NAV1: variants seen among roughly 807,000 people sequenced by gnomAD.
NAV1 encodes neuron navigator 1.
Under a neutral mutation model 175.2 loss-of-function variants are expected in NAV1, and 18 were observed. That is an observed-to-expected ratio of 0.10 (90% CI 0.07 to 0.15). The LOEUF (loss-of-function observed/expected upper bound fraction) is 0.15. NAV1 is among the 10% of genes least tolerant of loss of function. The pLI is 1.00. For synonymous variants in NAV1, 897 were observed against 978.7 expected (o/e 0.92, Z 1.56); for missense variants, 1,731 against 2,436.6 (o/e 0.71, Z 6.10).
intron 2 of NAV1, among the ~76,000 whole-genome samples, chr1:201,642,124 TTC>T (rs1229055610): frequency 6.7e-6 from 1 of 149,076 alleles, no homozygotes; most frequent in Non-Finnish European, 1.5e-5. Flanking sequence ...CTTCCCTTTC[TTC>T]TCTCTTTCTT....
At chr1:201,650,340 T>C (rs10920226) in intron 1 of NAV1, among the ~76,000 whole-genome samples, 1 of 152,114 alleles carries the variant, frequency 6.6e-6, no homozygotes, top group African/African-American at 2.4e-5. Flanking sequence ...ATCTGGGATG[T>C]GCCGGACGCC....
Position 201,740,029 on chromosome 1 carries a change from T to A in NAV1, c.1226+21274T>A. On this transcript the variant is annotated intron_variant, in intron 3 of 29. Coordinates refer to ENST00000367296, the Ensembl canonical transcript of NAV1. This position sits in a 1 kb window ranked among gnomAD's most constrained non-coding sequence, Gnocchi z 4.7. The stretch of plus-strand genomic sequence containing the variant: ...GGCCGCCTGAGCCGGGGAAGATGCT[T>A]CATCTGCCCCTGCCCAGATCCGGAA... 6.7e-7 allele frequency: 1 copy of A among 1,489,102 alleles called. No individual in the cohort carries two copies. Among genetic ancestry groups the A allele is most frequent in the Non-Finnish European group, 9.0e-7 (1 of 1,116,236 alleles). The allele number at this position is 1,489,102 out of a possible 1,614,324, so 92.2% of individuals were successfully genotyped here. A position where few individuals can be genotyped will look rare whatever the true frequency, so the allele number is the denominator to read the frequency against.
At chr1:201,646,834 C>G (rs1257299308), upstream of NAV1, among the ~76,000 whole-genome samples, 3 of 152,162 alleles carry the variant, frequency 2.0e-5, no homozygotes, top group Non-Finnish European at 4.4e-5. Context: ...GTTCTACACC[C>G]GGAGAGATCC....
intron 1 of NAV1, among the ~76,000 whole-genome samples, chr1:201,686,639 C>T (rs1276774027): frequency 6.6e-6 from 1 of 152,202 alleles, no homozygotes; most frequent in Non-Finnish European, 1.5e-5. Context: ...TTGCATCTAT[C>T]TCCTATCCCC....
chr1:201,678,689 A>G, intron 1 of NAV1, among the ~76,000 whole-genome samples: 1 of 152,144 alleles, frequency 6.6e-6, no homozygotes, highest in Non-Finnish European at 1.5e-5. Flanking sequence ...TGCTTTCCAA[A>G]GTCCCAGGCT....
chr1:201,590,611 A>G (rs1667159496), intron 2 of NAV1, among the ~76,000 whole-genome samples: 4 of 152,184 alleles, frequency 2.6e-5, no homozygotes, highest in Admixed American at 2.6e-4. Context: ...GCATGCTGCG[A>G]GGTGCCCAGG....
At chr1:201,660,592 A>T (rs900994165) in intron 1 of NAV1, among the ~76,000 whole-genome samples, 1 of 152,230 alleles carries the variant, frequency 6.6e-6, no homozygotes, top group Non-Finnish European at 1.5e-5. Flanking sequence ...TAGTTCAGGC[A>T]TCTTCATCCT....
intron 2 of NAV1, among the ~76,000 whole-genome samples, chr1:201,593,768 T>C (rs556808990): frequency 5.1e-4 from 78 of 152,342 alleles, no homozygotes; most frequent in African/African-American, 1.9e-3. Flanking sequence ...GTGGCTCCTA[T>C]TGGCCTCAGC....
chr1:201,674,762 C>T (rs1197089273), intron 1 of NAV1, among the ~76,000 whole-genome samples: 2 of 152,066 alleles, frequency 1.3e-5, no homozygotes, highest in African/African-American at 4.8e-5. Context: ...ACTGGCTGGG[C>T]ACGGTGGCTC....
chr1:201,671,505 T>C (rs1670045037), intron 1 of NAV1, among the ~76,000 whole-genome samples: 1 of 152,200 alleles, frequency 6.6e-6, no homozygotes, highest in Non-Finnish European at 1.5e-5. Context: ...TGCTACAGTA[T>C]GACCTTGAGC....
chr1:201,756,746 G>T (rs974459852), intron 3 of NAV1, among the ~76,000 whole-genome samples: 2 of 152,086 alleles, frequency 1.3e-5, no homozygotes, highest in Non-Finnish European at 2.9e-5. Context: ...ATTTTTTATA[G>T]TTCCTTCTCC....
intron 13 of NAV1, chr1:201,791,591 C>T (rs1677116677): frequency 6.6e-6 from 1 of 152,230 alleles, no homozygotes. Context: ...CAAAAGTAAC[C>T]ATGTCTGCAA....
intron 22 of NAV1, 102 bp downstream of exon 26, chr1:201,809,639 A>T: frequency 1.8e-6 from 2 of 1,102,710 alleles, no homozygotes; most frequent in South Asian, 2.9e-5. Context: ...GCTGGAGGGC[A>T]GTGGCGTGAT....
rs771736741 is a variant in NAV1 at position 201,803,542 on chromosome 1, A to G, written c.3518-51A>G. On this transcript the variant is annotated intron_variant, in intron 15 of 29. Transcript: ENST00000367296. ...TGCCACTAGACTTGCCTGAAGTCTCACATCCTCTCTAAATCTGTTCTATGT... is the reference window on the plus strand; with the variant it reads ...TGCCACTAGACTTGCCTGAAGTCTCGCATCCTCTCTAAATCTGTTCTATGT... The G allele has an allele frequency of 2.3e-5, 37 of 1,579,186 alleles. No homozygotes were observed. The South Asian group carries it at 3.8e-4, about 16-fold the overall frequency.
At chr1:201,629,341 A>T in intron 1 of NAV1, 63 bp from the exon 4 acceptor site, 1 of 1,151,014 alleles carries the variant, frequency 8.7e-7, no homozygotes, top group Non-Finnish European at 1.2e-6. Flanking sequence ...TCTTAGCCCC[A>T]TGGAGGGGCT....
chr1:201,731,934 T>C (rs10920243), intron 3 of NAV1, among the ~76,000 whole-genome samples: 57,992 of 152,008 alleles, frequency 0.38, 11,419 homozygotes, highest in Non-Finnish European at 0.42. Context: ...TGCCCTGTGC[T>C]CATGCTGGAG....
chr1:201,595,668 G>A (rs1268697690), intron 2 of NAV1, among the ~76,000 whole-genome samples: 1 of 152,264 alleles, frequency 6.6e-6, no homozygotes, highest in Non-Finnish European at 1.5e-5. Context: ...CTGGGTCTGG[G>A]AATTTCAGTT....
chr1:201,664,008 G>T (rs1669716684), intron 1 of NAV1, among the ~76,000 whole-genome samples: 1 of 152,186 alleles, frequency 6.6e-6, no homozygotes, highest in East Asian at 1.9e-4. Context: ...CAAGCTGTTT[G>T]CAGCAGCTCT....
At chr1:201,781,788 A>G (rs1676340678) in intron 5 of NAV1, among the ~76,000 whole-genome samples, 1 of 152,230 alleles carries the variant, frequency 6.6e-6, no homozygotes, top group Non-Finnish European at 1.5e-5. Flanking sequence ...AGCCTTAATC[A>G]ACATTTTCCT....
Sources: gnomAD v4.1 joint callset for allele counts (sites outside exome capture counted in the v4.1 genomes callset) on GRCh38, gnomAD v4.1.1 for gene constraint, Gnocchi (gnomAD v3.1) non-coding constraint, MANE v1.5 for transcripts, NCBI Gene and HGNC (gene_info 2026-07-23, HGNC 2026-07-21) for gene names.